The following MARCHF3 variants were observed in gnomAD, a reference collection of about 807,000 sequenced individuals.
MARCHF3 encodes the protein E3 ubiquitin-protein ligase MARCHF3.
Under a neutral mutation model 24.2 loss-of-function variants are expected in MARCHF3, and 13 were observed. That is an observed-to-expected ratio of 0.54 (90% CI 0.35 to 0.85). The LOEUF is 0.85. MARCHF3 is among the 40% of genes least tolerant of loss of function. MARCHF3 has a pLI of 0.01. For synonymous variants in MARCHF3, 144 were observed against 137.3 expected (o/e 1.05, Z -0.34); for missense variants, 276 against 325.0 (o/e 0.85, Z 1.16).
chr5:126,912,418 G>C (rs775893081), intron 3 of MARCHF3, among the ~76,000 whole-genome samples: 2 of 152,166 alleles, frequency 1.3e-5, no homozygotes, highest in Non-Finnish European at 2.9e-5. Context: ...TTGTCACATC[G>C]ATTTTGAAAT....
chr5:126,918,119 C>G lies in MARCHF3; in HGVS notation c.53G>C (p.Ser18Thr). The change falls in exon 2 of 5, where the codon AGC becomes ACC. Residue 18 changes from serine (S) to threonine (T), a missense_variant. Physicochemically the swap from Ser to Thr is moderately conservative, Grantham distance 58. Transcript: ENST00000308660. Reference protein sequence around the residue: ...HLPEVLPDCTSSAAPVVKTVE... With the variant: ...HLPEVLPDCTTSAAPVVKTVE... ...CGTCTTCACCACGGGTGCAGCTGAG[C>G]TGGTGCAGTCTGGCAGGACTTCGGG... The G allele has an allele frequency of 6.2e-7, 1 of 1,614,158 alleles. No individual in the cohort carries two copies. Among genetic ancestry groups the G allele is most frequent in the Non-Finnish European group, 8.5e-7 (1 of 1,180,036 alleles).
intron 3 of MARCHF3, among the ~76,000 whole-genome samples, chr5:126,900,630 G>A (rs1226871111): frequency 6.6e-6 from 1 of 151,806 alleles, no homozygotes; most frequent in East Asian, 1.9e-4. Context: ...ATTTATAGTA[G>A]CCAGAATGGA....
At position 126,869,314 on chromosome 5, in the gene MARCHF3, G is replaced by C. The variant is rs1267418947; in HGVS notation, c.*1319C>G. ...CCGCCCCTCCTCGCTGCGTGTGGGC[G>C]GGCGGACAGCCGGGAGCCTGAGAGT... is the stretch of plus-strand genomic sequence containing the variant. On this transcript the variant is annotated 3_prime_UTR_variant, in exon 5 of 5. Transcript: ENST00000308660. The C allele has an allele frequency of 6.6e-6, 1 of 152,256 alleles. No homozygotes were observed. The highest frequency in any genetic ancestry group is 2.4e-5 in the African/African-American group (1 of 41,458). 9.4% of individuals were successfully genotyped at this position (152,256 alleles called of 1,614,324 possible).
At chr5:126,984,688 G>A (rs1709714833) in intron 1 of MARCHF3, among the ~76,000 whole-genome samples, 1 of 152,112 alleles carries the variant, frequency 6.6e-6, no homozygotes, top group African/African-American at 2.4e-5. Flanking sequence ...TCACTTCTGG[G>A]GATTCACAGG....
At chr5:126,990,797 G>A (rs112828920) in intron 1 of MARCHF3, among the ~76,000 whole-genome samples, 10,250 of 152,202 alleles carry the variant, frequency 0.067, 670 homozygotes, top group African/African-American at 0.17. Context: ...ACATGAAAAA[G>A]TGCTCATCAT....
chr5:126,886,420 C>A (rs753785450), intron 3 of MARCHF3, among the ~76,000 whole-genome samples: 1 of 152,170 alleles, frequency 6.6e-6, no homozygotes, highest in Non-Finnish European at 1.5e-5. Context: ...GACACCACTT[C>A]CAGTTGCCCC....
intron 1 of MARCHF3, among the ~76,000 whole-genome samples, chr5:126,973,485 C>G (rs909391470): frequency 6.6e-6 from 1 of 152,242 alleles, no homozygotes; most frequent in African/African-American, 2.4e-5. Flanking sequence ...GCAAACCTGG[C>G]AGCTCTGAGG....
At chr5:126,974,482 G>T (rs890629958) in intron 1 of MARCHF3, among the ~76,000 whole-genome samples, 1 of 152,194 alleles carries the variant, frequency 6.6e-6, no homozygotes, top group Non-Finnish European at 1.5e-5. Context: ...TGGGTAATCA[G>T]AGGCAGAGGG....
chr5:126,946,038 G>A (rs909855432), intron 1 of MARCHF3, among the ~76,000 whole-genome samples: 1 of 152,060 alleles, frequency 6.6e-6, no homozygotes, highest in Non-Finnish European at 1.5e-5. Context: ...ATTCGTGAGT[G>A]GTGAAATCAA....
intron 4 of MARCHF3, among the ~76,000 whole-genome samples, chr5:126,874,983 G>A (rs999854063): frequency 4.6e-5 from 7 of 152,148 alleles, no homozygotes; most frequent in African/African-American, 1.7e-4. Context: ...ATTCCCTTCT[G>A]TGCTGGACAC....
At chr5:126,986,055 T>C (rs1561460159) in intron 1 of MARCHF3, among the ~76,000 whole-genome samples, 1 of 152,234 alleles carries the variant, frequency 6.6e-6, no homozygotes, top group Non-Finnish European at 1.5e-5. Flanking sequence ...CTGGGATTTA[T>C]GGAAATATGT....
chr5:126,960,896 T>C lies in MARCHF3; in HGVS notation c.-56-42669A>G, dbSNP rs929322843. Among the ~76,000 whole-genome samples, 7 of 152,260 alleles carry C rather than the reference T, an allele frequency of 4.6e-5. No individual in the cohort carries two copies. The East Asian group carries it at 9.6e-4, about 21-fold the overall frequency. ...CTCTGATTGTTCATATACACAAATA[T>C]GTAATTGTGATTTAGAAAAATGATC... On this transcript the variant is annotated intron_variant, in intron 1 of 4. Transcript: ENST00000308660.
At chr5:126,982,131 T>G (rs550593049) in intron 1 of MARCHF3, among the ~76,000 whole-genome samples, 8 of 152,318 alleles carry the variant, frequency 5.3e-5, no homozygotes, top group Non-Finnish European at 1.0e-4. Context: ...AACATTTACT[T>G]CTGTGCTTCA....
At chr5:126,987,513 C>T (rs892519605) in intron 1 of MARCHF3, among the ~76,000 whole-genome samples, 2 of 152,202 alleles carry the variant, frequency 1.3e-5, no homozygotes, top group African/African-American at 4.8e-5. Flanking sequence ...TTCCCAGCCC[C>T]CACGACTGCG....
At chr5:126,959,175 C>T (rs1483917258) in intron 1 of MARCHF3, among the ~76,000 whole-genome samples, 1 of 152,096 alleles carries the variant, frequency 6.6e-6, no homozygotes. Context: ...ACCTGACAAA[C>T]GCTACCTCAG....
intron 1 of MARCHF3, among the ~76,000 whole-genome samples, chr5:126,962,055 A>C (rs909313794): frequency 6.6e-6 from 1 of 152,214 alleles, no homozygotes; most frequent in Admixed American, 6.5e-5. Context: ...ATAAATATGC[A>C]GTGTATTTCT....
chr5:126,975,393 A>C (rs1412367092), intron 1 of MARCHF3, among the ~76,000 whole-genome samples: 1 of 152,238 alleles, frequency 6.6e-6, no homozygotes. Context: ...TCTGGTGTAC[A>C]ATGAGATGTT....
At chr5:126,990,008 C>T (rs1751697671) in intron 1 of MARCHF3, among the ~76,000 whole-genome samples, 1 of 151,986 alleles carries the variant, frequency 6.6e-6, no homozygotes, top group Non-Finnish European at 1.5e-5. Context: ...CCCCATCAAG[C>T]TACCAAAGAC....
intron 3 of MARCHF3, among the ~76,000 whole-genome samples, chr5:126,908,880 G>A (rs1470969657): frequency 2.0e-5 from 3 of 152,178 alleles, no homozygotes; most frequent in African/African-American, 7.2e-5. Flanking sequence ...GCGTTCCTTT[G>A]GAGGAGGAGA....
Sources: allele counts gnomAD v4.1 joint callset (sites outside exome capture counted in the v4.1 genomes callset), GRCh38; gene constraint gnomAD v4.1.1; transcripts MANE v1.5; gene names NCBI Gene and HGNC (gene_info 2026-07-23, HGNC 2026-07-21).